RMDN2: variants seen among roughly 807,000 people sequenced by gnomAD.
RMDN2 encodes regulator of microtubule dynamics protein 2.
In RMDN2, 61 loss-of-function variants were observed where a neutral mutation model predicts 52.8. The observed-to-expected ratio is 1.16, with a 90% CI of 0.94 to 1.43. The LOEUF is 1.43. RMDN2 is among the 40% of genes most tolerant of loss of function. The pLI, the probability that RMDN2 is intolerant of heterozygous loss-of-function variation, is 0.00. For missense variants in RMDN2, 592 were observed against 475.3 expected, an observed-to-expected ratio of 1.25 and a Z score of -2.28; for synonymous variants, 180 against 153.1, an observed-to-expected ratio of 1.18 and a Z score of -1.30.
intron 2 of RMDN2, among the ~76,000 whole-genome samples, chr2:37,963,633 G>A (rs1171520913): frequency 2.0e-5 from 3 of 152,122 alleles, no homozygotes; most frequent in African/African-American, 7.2e-5. Flanking sequence ...CAGGGTTGGG[G>A]GCAAGGTCAT....
At chr2:37,983,361 C>T (rs1240971514) in intron 5 of RMDN2, among the ~76,000 whole-genome samples, 1 of 152,174 alleles carries the variant, frequency 6.6e-6, no homozygotes, top group Non-Finnish European at 1.5e-5. Flanking sequence ...CTGTCTTCCA[C>T]TAATCTGGTT....
intron 8 of RMDN2, among the ~76,000 whole-genome samples, chr2:37,998,746 A>T (rs114652516): frequency 0.013 from 1,966 of 152,262 alleles, 48 homozygotes; most frequent in African/African-American, 0.044. Flanking sequence ...AATAAAAAAG[A>T]AACGGGCTGT....
upstream of RMDN2, among the ~76,000 whole-genome samples, chr2:37,924,825 T>G (rs1207021458): frequency 6.6e-6 from 1 of 152,160 alleles, no homozygotes; most frequent in African/African-American, 2.4e-5. Flanking sequence ...AATTGCTCAT[T>G]AAAAGAAAAC....
chr2:38,051,665 C>G (rs146878607), intron 10 of RMDN2, among the ~76,000 whole-genome samples: 1 of 152,304 alleles, frequency 6.6e-6, no homozygotes, highest in Non-Finnish European at 1.5e-5. Flanking sequence ...TAACCAACCT[C>G]TCTTCATCCT....
chr2:37,947,475 G>A (rs542188340), intron 2 of RMDN2, among the ~76,000 whole-genome samples: 10 of 152,078 alleles, frequency 6.6e-5, no homozygotes, highest in African/African-American at 2.4e-4. Flanking sequence ...TTTCTGCCTC[G>A]CAAGTCACAT....
At chr2:37,928,535 A>T (rs1348925688) in intron 1 of RMDN2, among the ~76,000 whole-genome samples, 1 of 152,202 alleles carries the variant, frequency 6.6e-6, no homozygotes, top group African/African-American at 2.4e-5. Context: ...TTTGCTTCCT[A>T]TCTTCACTTC....
chr2:37,925,573 G>C (rs1048191355), intron 1 of RMDN2, 148 bp downstream of exon 1: 2 of 152,318 alleles, frequency 1.3e-5, no homozygotes, highest in Non-Finnish European at 2.9e-5. Flanking sequence ...CTGCTAGCCA[G>C]CGGTGCTCTG....
At position 38,067,034 on chromosome 2, in the gene RMDN2, G is replaced by A. The variant is rs771193900; in HGVS notation, c.*44G>A. ...TTTGGTACCGCAAGCCCTGTCATCT[G>A]TGAGTGTGGCACAGTGAAGGCCTGG... On this transcript the variant is annotated 3_prime_UTR_variant, in exon 11 of 11. Coordinates refer to the RMDN2 transcript ENST00000234195. The A allele has an allele frequency of 2.5e-6, 4 of 1,606,364 alleles. No homozygotes were observed. In the African/African-American group the frequency reaches 4.0e-5, roughly 16 times the overall value.
rs560912583 is a variant in RMDN2, at chr2:38,060,861, A to G, written c.1714-6121A>G. Among the ~76,000 whole-genome samples the G allele has an allele frequency of 1.4e-4, 22 of 152,312 alleles. No homozygotes were observed. The South Asian group carries it at 3.9e-3, about 27-fold the overall frequency. On this transcript the variant is annotated intron_variant, in intron 10 of 10. Coordinates refer to the RMDN2 transcript ENST00000234195. ...CAGGGGATGGGAGATCCCCCCAAAC[A>G]GAACACGAGGCTGCCTGCTTTTCTC...
At chr2:37,936,146 G>GT (rs1558440455) in intron 2 of RMDN2, among the ~76,000 whole-genome samples, 1 of 152,184 alleles carries the variant, frequency 6.6e-6, no homozygotes, top group African/African-American at 2.4e-5. Flanking sequence ...AGAACATGCA[G>GT]TGTTTGGTTT....
At chr2:37,975,189 G>A in intron 3 of RMDN2, 23 bp from the exon 4 acceptor site, 1 of 1,379,800 alleles carries the variant, frequency 7.2e-7, no homozygotes, top group Non-Finnish European at 1.0e-6. Flanking sequence ...AATTTAACAG[G>A]CAACTCCATC....
At chr2:37,949,943 C>G (rs1668576252) in intron 2 of RMDN2, 1 of 159,946 alleles carries the variant, frequency 6.3e-6, no homozygotes, top group African/African-American at 2.4e-5. Flanking sequence ...CACAGCATAT[C>G]CCCGTAATCT....
At chr2:38,013,251 C>G (rs1020279118) in intron 10 of RMDN2, among the ~76,000 whole-genome samples, 1 of 152,154 alleles carries the variant, frequency 6.6e-6, no homozygotes, top group African/African-American at 2.4e-5. Flanking sequence ...TAAAGTTCAT[C>G]AACGTGGAGC....
At chr2:37,953,675 G>A (rs988954055) in intron 2 of RMDN2, among the ~76,000 whole-genome samples, 3 of 152,086 alleles carry the variant, frequency 2.0e-5, no homozygotes, top group East Asian at 1.9e-4. Context: ...CTGTCTGTTC[G>A]AAACCTTCCT....
At chr2:37,950,614 C>T (rs2124957191) in intron 2 of RMDN2, 1 of 1,611,484 alleles carries the variant, frequency 6.2e-7, no homozygotes, top group Non-Finnish European at 8.5e-7. Flanking sequence ...TAGAAAAAAA[C>T]TTCAACATGT....
rs150019359 is a variant in RMDN2, at chr2:37,940,532, G to C, written c.452+10803G>C. 9.7e-4 allele frequency among the ~76,000 whole-genome samples: 148 copies of C among 152,262 alleles called. 1 individual carries two copies. The highest frequency in any genetic ancestry group is 3.5e-3 in the African/African-American group (144 of 41,556). On this transcript the variant is annotated intron_variant, in intron 2 of 10. Transcript: ENST00000354545. The stretch of plus-strand genomic sequence containing the variant: ...TTTCAGGTGCACCAAACAAACACAG[G>C]TTTGGTCTTTTCAGATAGTCCCATG...
At chr2:37,924,602 G>C (rs1298038763), upstream of RMDN2, among the ~76,000 whole-genome samples, 1 of 151,676 alleles carries the variant, frequency 6.6e-6, no homozygotes, top group African/African-American at 2.4e-5. Flanking sequence ...CCTGACCTCA[G>C]GTGATCCGCC....
At chr2:38,006,427 G>T (rs1026789857) in intron 10 of RMDN2, among the ~76,000 whole-genome samples, 6 of 152,190 alleles carry the variant, frequency 3.9e-5, no homozygotes, top group African/African-American at 1.4e-4. Context: ...CACGTCCCTT[G>T]TAAGTTGAAT....
exon 11 of RMDN2, chr2:38,066,992 C>G (rs773563142): frequency 4.2e-5 from 68 of 1,613,710 alleles, no homozygotes; most frequent in Non-Finnish European, 5.1e-5. Context: ...GAGCTGTAGT[C>G]TGGAAGATAA....
Sources: allele counts gnomAD v4.1 joint callset (sites outside exome capture counted in the v4.1 genomes callset), GRCh38; gene constraint gnomAD v4.1.1; transcripts MANE v1.5; gene names NCBI Gene and HGNC (gene_info 2026-07-23, HGNC 2026-07-21).